SLC1A7: variants seen among roughly 807,000 people sequenced by gnomAD.
The protein encoded by SLC1A7 is solute carrier family 1 member 7, also known as excitatory amino acid transporter 5.
Under a neutral mutation model 47.7 loss-of-function variants are expected in SLC1A7, and 40 were observed. The observed-to-expected ratio is 0.84, with a 90% CI of 0.65 to 1.09. SLC1A7 has a LOEUF of 1.09. Among genes scored for constraint, SLC1A7 ranks in the 50% least tolerant of loss-of-function variants. The pLI is 0.00. For synonymous variants in SLC1A7, 323 were observed against 325.6 expected (o/e 0.99, Z 0.09); for missense variants, 746 against 769.5 (o/e 0.97, Z 0.36).
chr1:53,123,539 G>T (rs932067910), intron 2 of SLC1A7, among the ~76,000 whole-genome samples: 1 of 152,220 alleles, frequency 6.6e-6, no homozygotes, highest in East Asian at 1.9e-4. Flanking sequence ...TCTGGCCAGC[G>T]GGTGGGGAGA....
At chr1:53,097,236 C>T (rs1430574866) in intron 5 of SLC1A7, among the ~76,000 whole-genome samples, 3 of 128,702 alleles carry the variant, frequency 2.3e-5, no homozygotes, top group Middle Eastern at 5.0e-3. Context: ...CACCCTGCCT[C>T]GGTACACTCA....
At chr1:53,100,388 T>A (rs973933998) in intron 5 of SLC1A7, among the ~76,000 whole-genome samples, 1 of 149,918 alleles carries the variant, frequency 6.7e-6, no homozygotes. Flanking sequence ...CTCGGTACAC[T>A]CACACACCCC....
At position 53,114,849 on chromosome 1, in the gene SLC1A7, T is replaced by C; in HGVS notation, c.340A>G (p.Ile114Val). The C allele has an allele frequency of 6.2e-7, 1 of 1,614,204 alleles. No individual in the cohort carries two copies. Among genetic ancestry groups the C allele is most frequent in the Non-Finnish European group, 8.5e-7 (1 of 1,180,020 alleles). ...TTCTGGGCCGCGCTGCCTGGGTGGA[T>C]GATGGAGACCATGAAGATGCCCACG... ...VIVGIFMVSI[I>V]HPGSAAQKET... The change falls in exon 3 of 11, where the codon ATC becomes GTC. Residue 114 changes from isoleucine to valine, a missense_variant. Coordinates refer to ENST00000371494, the MANE Select transcript of SLC1A7 (RefSeq NM_006671.6).
At chr1:53,123,130 C>T (rs996362563) in intron 2 of SLC1A7, among the ~76,000 whole-genome samples, 11 of 152,334 alleles carry the variant, frequency 7.2e-5, no homozygotes, top group South Asian at 4.1e-4. Flanking sequence ...GTCAGACTGC[C>T]GGCCATTCTC....
At chr1:53,140,160 G>T (rs1199996539) in intron 1 of SLC1A7, among the ~76,000 whole-genome samples, 1 of 152,150 alleles carries the variant, frequency 6.6e-6, no homozygotes, top group African/African-American at 2.4e-5. Flanking sequence ...CCAAATAATT[G>T]TTCTAAGCCT....
At chr1:53,135,084 C>G (rs568863356) in intron 1 of SLC1A7, among the ~76,000 whole-genome samples, 1 of 152,282 alleles carries the variant, frequency 6.6e-6, no homozygotes, top group South Asian at 2.1e-4. Context: ...GCACTTAGCA[C>G]AGCGCCTGGA....
At chr1:53,092,881 TC>T in intron 6 of SLC1A7, 94 bp from the exon 7 acceptor site, 1 of 771,930 alleles carries the variant, frequency 1.3e-6, no homozygotes, top group Non-Finnish European at 2.2e-6. Flanking sequence ...CCCCTGAGCT[TC>T]CTGGGGCTCC....
At position 53,093,533 on chromosome 1, in the gene SLC1A7, C is replaced by G; in HGVS notation, c.725G>C (p.Ser242Thr). 1 of 1,608,504 alleles carries G rather than the reference C, an allele frequency of 6.2e-7. No individual in the cohort carries two copies. The highest frequency in any genetic ancestry group is 1.1e-5 in the South Asian group (1 of 90,650). The change falls in exon 6 of 11, where the codon AGC (serine) becomes ACC (threonine). Residue 242 changes from serine to threonine, a missense_variant. Transcript: ENST00000371494. ...MGIMLGRMGD[S>T]GAPLVSFCQC... ...GCAGAAGCTGACCAGGGGGGCCCCG[C>G]TGTCACCCATGCGGCCCAGCATGAT...
At chr1:53,115,274 A>C in intron 2 of SLC1A7, 1 of 460,924 alleles carries the variant, frequency 2.2e-6, no homozygotes, top group Non-Finnish European at 3.9e-6. Flanking sequence ...TGAGAGATTA[A>C]TTAAGGAAAT....
Position 53,114,982 on chromosome 1 carries a change from G to T in SLC1A7, c.216-9C>A. 6.2e-7 allele frequency: 1 copy of T among 1,611,536 alleles called. No homozygotes were observed. Among genetic ancestry groups the T allele is most frequent in the Non-Finnish European group, 8.5e-7 (1 of 1,178,620 alleles). ...CAAGTCCGGACATCAAGCTGGGAGG[G>T]CGAGGGGGTCAGGGGCTGTGGTGGG... On this transcript the variant is annotated splice_polypyrimidine_tract_variant and intron_variant, in intron 2 of 10. Coordinates refer to ENST00000371494, the MANE Select transcript of SLC1A7 (RefSeq NM_006671.6).
chr1:53,136,351 G>C (rs918336584), intron 1 of SLC1A7, among the ~76,000 whole-genome samples: 6 of 147,652 alleles, frequency 4.1e-5, no homozygotes, highest in African/African-American at 1.2e-4. Flanking sequence ...GCGCCACTAT[G>C]CCCGGCTAAA....
intron 5 of SLC1A7, chr1:53,102,771 G>A (rs191442099): frequency 6.5e-6 from 1 of 152,824 alleles, no homozygotes; most frequent in Non-Finnish European, 1.5e-5. Flanking sequence ...GGAAACGCAC[G>A]GCTTGGAGGG....
At chr1:53,095,916 T>TTGGTA (rs1557669268) in intron 5 of SLC1A7, among the ~76,000 whole-genome samples, 6 of 148,166 alleles carry the variant, frequency 4.0e-5, no homozygotes, top group Non-Finnish European at 8.9e-5. Flanking sequence ...ACAACCCGCC[T>TTGGTA]CGGTACACTC....
At chr1:53,091,448 G>GCT (rs1572292830) in intron 7 of SLC1A7, among the ~76,000 whole-genome samples, 1 of 152,334 alleles carries the variant, frequency 6.6e-6, no homozygotes, top group East Asian at 1.9e-4. Context: ...CTGGGCTTGA[G>GCT]GCTGCGGTTC....
At chr1:53,120,746 G>C (rs1481792091) in intron 2 of SLC1A7, among the ~76,000 whole-genome samples, 1 of 152,224 alleles carries the variant, frequency 6.6e-6, no homozygotes, top group Non-Finnish European at 1.5e-5. Context: ...GAATCCCCAG[G>C]GCCTGACCCA....
intron 6 of SLC1A7, 104 bp downstream of exon 6, chr1:53,093,357 G>C: frequency 1.1e-6 from 1 of 945,160 alleles, no homozygotes; most frequent in South Asian, 1.5e-5. Flanking sequence ...GCTGAGCCTG[G>C]GCACAGCTTT....
At chr1:53,118,137 G>C (rs750317880) in intron 2 of SLC1A7, among the ~76,000 whole-genome samples, 2 of 152,244 alleles carry the variant, frequency 1.3e-5, no homozygotes, top group African/African-American at 4.8e-5. Context: ...CAGAAAGGAG[G>C]TGTAAGGCCC....
At chr1:53,136,853 G>T (rs1645005974) in intron 1 of SLC1A7, among the ~76,000 whole-genome samples, 1 of 151,256 alleles carries the variant, frequency 6.6e-6, no homozygotes, top group Non-Finnish European at 1.5e-5. Context: ...TTTTTGTAGA[G>T]ACAGTGTCTC....
rs558517778 is a variant in SLC1A7 at position 53,115,011 on chromosome 1, G to C, written c.216-38C>G. On this transcript the variant is annotated intron_variant, in intron 2 of 10. Transcript: ENST00000371494. ...GGGGGTCAGGGGCTGTGGTGGGGAG[G>C]CCAGGGCCTGGCTGGCACTCAGCGC... 2.6e-6 allele frequency: 4 copies of C among 1,539,930 alleles called. No individual in the cohort carries two copies. In the African/African-American group the frequency reaches 5.4e-5, roughly 21 times the overall value.
Sources: gnomAD v4.1 joint callset for allele counts (sites outside exome capture counted in the v4.1 genomes callset) on GRCh38, gnomAD v4.1.1 for gene constraint, MANE v1.5 for transcripts, NCBI Gene and HGNC (gene_info 2026-07-23, HGNC 2026-07-21) for gene names.